The following TLE4 variants were observed in gnomAD, a reference collection of about 807,000 sequenced individuals.
TLE4 encodes TLE family member 4, transcriptional corepressor, also known as transducin-like enhancer protein 4.
TLE4 carries 8 observed loss-of-function variants against 92.8 expected under a neutral mutation model. That is an observed-to-expected ratio of 0.09 (90% CI 0.05 to 0.16). The LOEUF is 0.16. Ranked by LOEUF, TLE4 falls within the 10% of genes least tolerant of loss-of-function variation. The pLI is 1.00. For synonymous variants in TLE4, 371 were observed against 374.1 expected, an observed-to-expected ratio of 0.99 and a Z score of 0.10; for missense variants, 675 against 997.6, an observed-to-expected ratio of 0.68 and a Z score of 4.36.
intron 14 of TLE4, 113 bp downstream of exon 14, chr9:79,709,812 T>A: frequency 2.6e-6 from 2 of 758,522 alleles, no homozygotes; most frequent in South Asian, 4.4e-5. Flanking sequence ...TGACTTGTAT[T>A]TTTTTACCTT....
chr9:79,632,738 A>G (rs1039281701), intron 6 of TLE4, among the ~76,000 whole-genome samples: 57 of 152,220 alleles, frequency 3.7e-4, no homozygotes, highest in Non-Finnish European at 1.3e-4. Flanking sequence ...TTCTAGATGT[A>G]TGTAATACAG....
At chr9:79,661,457 G>A (rs1301642565) in intron 8 of TLE4, among the ~76,000 whole-genome samples, 2 of 152,176 alleles carry the variant, frequency 1.3e-5, no homozygotes, top group African/African-American at 4.8e-5. Context: ...TGTAATTTTG[G>A]ACTTAGAGAG....
intron 4 of TLE4, chr9:79,580,426 GAA>G (rs2039314305): frequency 6.6e-6 from 1 of 152,174 alleles, no homozygotes; most frequent in Non-Finnish European, 1.5e-5. Context: ...TGGAGAGTAA[GAA>G]GAGATTTATT....
At chr9:79,595,466 C>T (rs977697216) in intron 4 of TLE4, among the ~76,000 whole-genome samples, 19 of 152,200 alleles carry the variant, frequency 1.2e-4, no homozygotes, top group African/African-American at 4.6e-4. Context: ...CGTAGTTAAC[C>T]GTTATCTTTT....
chr9:79,581,355 T>C (rs2039604401), intron 4 of TLE4, among the ~76,000 whole-genome samples: 1 of 152,196 alleles, frequency 6.6e-6, no homozygotes, highest in Non-Finnish European at 1.5e-5. Flanking sequence ...AAATTTAACC[T>C]GTTACAGTGT....
chr9:79,596,937 G>T (rs2044183556), intron 4 of TLE4, among the ~76,000 whole-genome samples: 2 of 152,126 alleles, frequency 1.3e-5, no homozygotes, highest in Admixed American at 6.5e-5. Flanking sequence ...GTAATATTTG[G>T]TGTTCTTTTC....
At chr9:79,631,742 A>G (rs2054311311) in intron 6 of TLE4, among the ~76,000 whole-genome samples, 1 of 150,702 alleles carries the variant, frequency 6.6e-6, no homozygotes, top group Non-Finnish European at 1.5e-5. Context: ...TCCGTTATAG[A>G]TTTCAAAACT....
chr9:79,639,185 C>A (rs2056634202), intron 6 of TLE4, among the ~76,000 whole-genome samples: 1 of 152,012 alleles, frequency 6.6e-6, no homozygotes, highest in Non-Finnish European at 1.5e-5. Flanking sequence ...GAATCAGGGA[C>A]CCAGAGCCCT....
chr9:79,699,881 T>C (rs1226612244), intron 8 of TLE4, among the ~76,000 whole-genome samples: 1 of 152,236 alleles, frequency 6.6e-6, no homozygotes, highest in East Asian at 1.9e-4. Context: ...AGAAAAGTTT[T>C]GGTGAATAGT....
At chr9:79,666,189 GT>G (rs1227912453) in intron 8 of TLE4, among the ~76,000 whole-genome samples, 12 of 146,582 alleles carry the variant, frequency 8.2e-5, no homozygotes, top group East Asian at 2.0e-4. Flanking sequence ...GTGTGTGTGT[GT>G]GTGTGTGGGT....
At chr9:79,585,411 T>G (rs1432109974) in intron 4 of TLE4, among the ~76,000 whole-genome samples, 19 of 152,220 alleles carry the variant, frequency 1.2e-4, no homozygotes. Context: ...TTGATATGTT[T>G]GGAATACTCC....
chr9:79,692,556 A>T (rs1310224796), intron 8 of TLE4, among the ~76,000 whole-genome samples: 1 of 152,158 alleles, frequency 6.6e-6, no homozygotes, highest in Non-Finnish European at 1.5e-5. Flanking sequence ...AATTGTCATG[A>T]CTATCTTAGT....
At chr9:79,602,809 A>C (rs1165003788) in intron 4 of TLE4, among the ~76,000 whole-genome samples, 1 of 152,182 alleles carries the variant, frequency 6.6e-6, no homozygotes, top group African/African-American at 2.4e-5. Flanking sequence ...GCTGCCATAG[A>C]TAATGATTCT....
At chr9:79,616,765 A>G (rs2049732386) in intron 5 of TLE4, among the ~76,000 whole-genome samples, 1 of 152,142 alleles carries the variant, frequency 6.6e-6, no homozygotes, top group African/African-American at 2.4e-5. Context: ...CCCCAATTCC[A>G]GGAACATATC....
chr9:79,621,725 G>A (rs2051039482), intron 5 of TLE4, among the ~76,000 whole-genome samples: 1 of 152,158 alleles, frequency 6.6e-6, no homozygotes, highest in Admixed American at 6.5e-5. Flanking sequence ...TGGTGATAGG[G>A]AGAGTCTTTT....
intron 8 of TLE4, among the ~76,000 whole-genome samples, chr9:79,669,843 TGAGAA>T (rs1400250774): frequency 2.6e-5 from 4 of 152,140 alleles, no homozygotes; most frequent in African/African-American, 9.7e-5. Flanking sequence ...CAGTGACCAG[TGAGAA>T]GAGGTCAGGA....
intron 5 of TLE4, among the ~76,000 whole-genome samples, chr9:79,627,158 T>C (rs1484486547): frequency 6.6e-6 from 1 of 152,120 alleles, no homozygotes; most frequent in Admixed American, 6.5e-5. Flanking sequence ...ACAGAGATGG[T>C]ACCTGCAGTT....
chr9:79,712,357 T>C (rs1235264457), intron 14 of TLE4, among the ~76,000 whole-genome samples: 2 of 152,204 alleles, frequency 1.3e-5, no homozygotes, highest in Admixed American at 6.5e-5. Context: ...ACTTTTATTA[T>C]AGATTTTTAC....
At chr9:79,603,587 T>G (rs914431539) in intron 4 of TLE4, among the ~76,000 whole-genome samples, 1 of 152,186 alleles carries the variant, frequency 6.6e-6, no homozygotes, top group African/African-American at 2.4e-5. Context: ...ATGTTTGTAC[T>G]ATACTGTAGT....
Sources: gnomAD v4.1 joint callset for allele counts (sites outside exome capture counted in the v4.1 genomes callset) on GRCh38, gnomAD v4.1.1 for gene constraint, MANE v1.5 for transcripts, NCBI Gene and HGNC (gene_info 2026-07-23, HGNC 2026-07-21) for gene names.